Variants in LPP observed in about 807,000 individuals in gnomAD.
LPP encodes the protein LIM domain containing preferred translocation partner in lipoma.
In LPP, 38 loss-of-function variants were observed where a neutral mutation model predicts 60.4. The ratio of observed to expected loss-of-function variants is 0.63; its 90% CI spans 0.49 to 0.83. The LOEUF is 0.83. Among genes scored for constraint, LPP ranks in the 40% least tolerant of loss-of-function variants. The pLI is 0.00. For missense variants in LPP, 902 were observed against 783.6 expected (o/e 1.15, Z -1.80); for synonymous variants, 328 against 290.8 (o/e 1.13, Z -1.30).
At chr3:188,845,827 A>G (rs541781663) in intron 9 of LPP, among the ~76,000 whole-genome samples, 3 of 152,360 alleles carry the variant, frequency 2.0e-5, no homozygotes, top group East Asian at 1.9e-4. Flanking sequence ...CCGAAAGCTT[A>G]TCTGAGAAAG....
intron 4 of LPP, among the ~76,000 whole-genome samples, chr3:188,468,550 C>T (rs775129774): frequency 1.3e-5 from 2 of 152,094 alleles, no homozygotes; most frequent in Non-Finnish European, 2.9e-5. Flanking sequence ...CAGTTTATAA[C>T]ATTGTGCCGT....
chr3:188,330,285 G>T (rs187323663), intron 2 of LPP, among the ~76,000 whole-genome samples: 1 of 152,312 alleles, frequency 6.6e-6, no homozygotes, highest in African/African-American at 2.4e-5. Context: ...GCTAAGGTTT[G>T]CAGACAATGC....
At chr3:188,247,748 G>A (rs558132648) in intron 2 of LPP, among the ~76,000 whole-genome samples, 185 of 150,660 alleles carry the variant, frequency 1.2e-3, no homozygotes, top group African/African-American at 4.4e-3. Context: ...GCAGTGAGAC[G>A]AGATTGCGCC....
chr3:188,332,302 G>A (rs1475965152), intron 2 of LPP, among the ~76,000 whole-genome samples: 2 of 152,138 alleles, frequency 1.3e-5, no homozygotes, highest in African/African-American at 4.8e-5. Context: ...CTGCCAATGG[G>A]TTAATGATGA....
intron 1 of LPP, among the ~76,000 whole-genome samples, chr3:188,170,684 G>A (rs114160137): frequency 0.017 from 2,565 of 152,086 alleles, 87 homozygotes; most frequent in African/African-American, 0.058. Context: ...TCTAGTTTCC[G>A]TTTACCTTGT....
chr3:188,763,010 G>A (rs932249467), intron 9 of LPP, among the ~76,000 whole-genome samples: 2 of 152,256 alleles, frequency 1.3e-5, no homozygotes, highest in Non-Finnish European at 2.9e-5. Context: ...TACTAGAAGT[G>A]TAAGGAGGTT....
intron 6 of LPP, among the ~76,000 whole-genome samples, chr3:188,551,594 G>A (rs1828142508): frequency 6.6e-6 from 1 of 152,150 alleles, no homozygotes; most frequent in South Asian, 2.1e-4. Flanking sequence ...TTACGTTTTA[G>A]TAGGGAAAAT....
intron 2 of LPP, among the ~76,000 whole-genome samples, chr3:188,279,424 A>T (rs1741148427): frequency 6.6e-6 from 1 of 152,224 alleles, no homozygotes; most frequent in Non-Finnish European, 1.5e-5. Context: ...GTAGCCAATG[A>T]ATTATATGAC....
chr3:188,741,028 A>G (rs1368763211), intron 8 of LPP, among the ~76,000 whole-genome samples: 2 of 152,018 alleles, frequency 1.3e-5, no homozygotes, highest in Non-Finnish European at 2.9e-5. Flanking sequence ...TTTAAAAAGC[A>G]TCAGTGTGTT....
intron 9 of LPP, among the ~76,000 whole-genome samples, chr3:188,846,709 A>G (rs77789063): frequency 0.024 from 3,566 of 149,352 alleles, 142 homozygotes; most frequent in African/African-American, 0.082. Flanking sequence ...AAAAAGAGAG[A>G]GAAAAGAAAA....
At chr3:188,771,949 A>G (rs1448759532) in intron 9 of LPP, among the ~76,000 whole-genome samples, 1 of 151,082 alleles carries the variant, frequency 6.6e-6, no homozygotes, top group Non-Finnish European at 1.5e-5. Flanking sequence ...ATCACTGTGA[A>G]CTCCTCATTA....
At chr3:188,379,465 A>G (rs1776257054) in intron 3 of LPP, among the ~76,000 whole-genome samples, 1 of 152,230 alleles carries the variant, frequency 6.6e-6, no homozygotes, top group Non-Finnish European at 1.5e-5. Context: ...AGAGTTACAC[A>G]GCCGTCACCA....
At chr3:188,374,897 T>C (rs1451401373) in intron 3 of LPP, among the ~76,000 whole-genome samples, 2 of 152,116 alleles carry the variant, frequency 1.3e-5, no homozygotes, top group African/African-American at 4.8e-5. Flanking sequence ...ACCTAATTTA[T>C]TGAGAGTTTT....
At chr3:188,810,961 G>T (rs891196150) in intron 9 of LPP, among the ~76,000 whole-genome samples, 2 of 151,980 alleles carry the variant, frequency 1.3e-5, no homozygotes, top group Non-Finnish European at 2.9e-5. Flanking sequence ...TGACAACAAG[G>T]AATGCTTCTA....
At chr3:188,601,442 A>C (rs941499386) in intron 6 of LPP, among the ~76,000 whole-genome samples, 2 of 152,184 alleles carry the variant, frequency 1.3e-5, no homozygotes, top group Non-Finnish European at 2.9e-5. Flanking sequence ...GATTTCCCAT[A>C]AAAATTTTAT....
intron 4 of LPP, among the ~76,000 whole-genome samples, chr3:188,442,319 C>T (rs1578923832): frequency 6.6e-6 from 1 of 152,088 alleles, no homozygotes; most frequent in African/African-American, 2.4e-5. Context: ...TTCCCTTCCC[C>T]GTGTCCGTGT....
intron 5 of LPP, among the ~76,000 whole-genome samples, chr3:188,506,719 C>T (rs1447200742): frequency 6.6e-6 from 1 of 152,214 alleles, no homozygotes; most frequent in Non-Finnish European, 1.5e-5. Flanking sequence ...CCATTACCTT[C>T]TTGTTCATTT....
intron 2 of LPP, among the ~76,000 whole-genome samples, chr3:188,317,363 T>TA (rs1755389686): frequency 2.6e-5 from 4 of 152,042 alleles, no homozygotes; most frequent in Non-Finnish European, 5.9e-5. Context: ...CTTGGGCACA[T>TA]AGTGTAATGG....
At chr3:188,586,418 T>A (rs1837458934) in intron 6 of LPP, among the ~76,000 whole-genome samples, 1 of 152,168 alleles carries the variant, frequency 6.6e-6, no homozygotes, top group Non-Finnish European at 1.5e-5. Context: ...TGCTACTAAA[T>A]AGGCCTCATT....
Sources: gnomAD v4.1 joint callset for allele counts (sites outside exome capture counted in the v4.1 genomes callset) on GRCh38, gnomAD v4.1.1 for gene constraint, MANE v1.5 for transcripts, NCBI Gene and HGNC (gene_info 2026-07-23, HGNC 2026-07-21) for gene names.